The following MIGA1 variants were observed in gnomAD, a reference collection of about 807,000 sequenced individuals.
MIGA1 encodes the protein family with sequence similarity 73, member A.
Under a neutral mutation model 82.0 loss-of-function variants are expected in MIGA1, and 58 were observed. That is an observed-to-expected ratio of 0.71 (90% confidence interval 0.57 to 0.88). The LOEUF is 0.88. MIGA1 is among the 40% of genes least tolerant of loss of function. The pLI is 0.00. For missense variants in MIGA1, 751 were observed against 749.1 expected, an observed-to-expected ratio of 1.00 and a Z score of -0.03; for synonymous variants, 249 against 253.6, an observed-to-expected ratio of 0.98 and a Z score of 0.17.
chr1:77,824,267 T>C (rs553908207), intron 7 of MIGA1, among the ~76,000 whole-genome samples: 43 of 152,280 alleles, frequency 2.8e-4, no homozygotes, highest in African/African-American at 9.6e-4. Context: ...TGTGTTAAAA[T>C]AGAAAACAGG....
chr1:77,785,328 C>T (rs961790238), intron 2 of MIGA1, among the ~76,000 whole-genome samples: 2 of 152,014 alleles, frequency 1.3e-5, no homozygotes, highest in African/African-American at 4.8e-5. Context: ...GTTTGAAATC[C>T]AGCAGGGCAG....
chr1:77,860,099 A>G lies in MIGA1; in HGVS notation c.1248A>G (p.Leu416=). ...TCGCTGAGAGCGGAAGGAAAATTTT[A>G]TCAGCTTTAATTGTGAAAGCACGAA... The change falls in exon 11 of 16, where the codon TTA becomes TTG. Residue 416 remains leucine, a synonymous_variant. Coordinates refer to ENST00000370791, the MANE Select transcript of MIGA1 (RefSeq NM_198549.4). The G allele has an allele frequency of 1.2e-6, 2 of 1,611,492 alleles. No homozygotes were observed. The highest frequency in any genetic ancestry group is 1.1e-5 in the South Asian group (1 of 90,416).
At chr1:77,844,031 G>T (rs1052483060) in intron 8 of MIGA1, among the ~76,000 whole-genome samples, 1 of 148,876 alleles carries the variant, frequency 6.7e-6, no homozygotes, top group African/African-American at 2.5e-5. Context: ...AGCCCAAGAG[G>T]TCAAGACTGC....
At position 77,807,094 on chromosome 1, in the gene MIGA1, C is replaced by G; in HGVS notation, c.630C>G (p.Tyr210Ter). The change falls in exon 5 of 16, where the codon TAC becomes TAG. Residue 210 changes from tyrosine to a stop codon, truncating the protein, a stop_gained. Coordinates refer to ENST00000370791, the MANE Select transcript of MIGA1 (RefSeq NM_198549.4). LOFTEE classifies it high-confidence loss of function. ...CTGTGACTACTCCAGAGAACTTATA[C>G]TTAATGGGTAGGAATGAGATGATAA... 6.3e-7 allele frequency: 1 copy of G among 1,581,088 alleles called. No individual in the cohort carries two copies.
At chr1:77,844,113 A>AATATATATAT (rs869208869) in intron 8 of MIGA1, among the ~76,000 whole-genome samples, 18 of 90,112 alleles carry the variant, frequency 2.0e-4, no homozygotes, top group African/African-American at 6.8e-4. Context: ...AAAAAAAAAA[A>AATATATATAT]ATATATATAT....
chr1:77,823,077 G>A (rs1160469566), intron 7 of MIGA1, among the ~76,000 whole-genome samples: 2 of 151,882 alleles, frequency 1.3e-5, no homozygotes, highest in Non-Finnish European at 2.9e-5. Context: ...TCCTGACCTC[G>A]TGATCCTCCC....
At chr1:77,799,855 CA>C (rs200085217) in intron 2 of MIGA1, among the ~76,000 whole-genome samples, 53 of 139,290 alleles carry the variant, frequency 3.8e-4, no homozygotes, top group Admixed American at 1.7e-3. Context: ...GTTTTCCTTC[CA>C]AAAAAAAAAA....
chr1:77,835,705 T>C (rs1346084137), intron 7 of MIGA1, among the ~76,000 whole-genome samples: 1 of 152,094 alleles, frequency 6.6e-6, no homozygotes, highest in Non-Finnish European at 1.5e-5. Context: ...CCCAGCACTT[T>C]GGGAGGTCAA....
chr1:77,812,496 A>G (rs1030716430), intron 5 of MIGA1, among the ~76,000 whole-genome samples: 1 of 152,222 alleles, frequency 6.6e-6, no homozygotes, highest in African/African-American at 2.4e-5. Context: ...AATTGTATTC[A>G]TTTAGGATTG....
At chr1:77,798,396 C>T (rs1557898788) in intron 2 of MIGA1, among the ~76,000 whole-genome samples, 1 of 152,194 alleles carries the variant, frequency 6.6e-6, no homozygotes, top group African/African-American at 2.4e-5. Context: ...CTCACAGTTC[C>T]ACATGGCTGG....
At chr1:77,815,300 C>A in intron 7 of MIGA1, 69 bp downstream of exon 7, 2 of 1,271,184 alleles carry the variant, frequency 1.6e-6, no homozygotes, top group Admixed American at 2.6e-5. Flanking sequence ...GAATCATCTG[C>A]ATAAGTGTCT....
chr1:77,844,113 A>ATATATATATAT (rs1553223128), intron 8 of MIGA1, among the ~76,000 whole-genome samples: 4 of 90,134 alleles, frequency 4.4e-5, no homozygotes, highest in African/African-American at 1.4e-4. Context: ...AAAAAAAAAA[A>ATATATATATAT]ATATATATAT....
At chr1:77,828,602 T>A (rs1421037831) in intron 7 of MIGA1, among the ~76,000 whole-genome samples, 1 of 152,222 alleles carries the variant, frequency 6.6e-6, no homozygotes, top group Non-Finnish European at 1.5e-5. Flanking sequence ...AATGTATGGT[T>A]CATGTGTATT....
At chr1:77,807,322 C>T (rs1466442351) in intron 5 of MIGA1, among the ~76,000 whole-genome samples, 1 of 152,018 alleles carries the variant, frequency 6.6e-6, no homozygotes, top group Non-Finnish European at 1.5e-5. Flanking sequence ...CCACCATGCC[C>T]AGCTAATTTT....
chr1:77,781,891 G>C (rs74090699), intron 1 of MIGA1, among the ~76,000 whole-genome samples: 1,940 of 152,196 alleles, frequency 0.013, 32 homozygotes, highest in African/African-American at 0.044. Context: ...TCTGAAAACA[G>C]GTGGGTATTA....
At chr1:77,862,563 C>T (rs2101946054) in intron 12 of MIGA1, among the ~76,000 whole-genome samples, 1 of 152,186 alleles carries the variant, frequency 6.6e-6, no homozygotes, top group Admixed American at 6.5e-5. Flanking sequence ...CCAGCCTGAC[C>T]AACATGGTGA....
chr1:77,867,755 T>C (rs1023247563), intron 14 of MIGA1, among the ~76,000 whole-genome samples: 2 of 152,246 alleles, frequency 1.3e-5, no homozygotes, highest in Non-Finnish European at 2.9e-5. Flanking sequence ...ATCATATCCA[T>C]ATTTTTCAAT....
intron 7 of MIGA1, among the ~76,000 whole-genome samples, chr1:77,828,412 G>C (rs1397224354): frequency 6.6e-6 from 1 of 152,138 alleles, no homozygotes; most frequent in East Asian, 1.9e-4. Context: ...TTCTGCTTAC[G>C]AGGCCCTGCA....
At chr1:77,817,796 A>C (rs1159739257) in intron 7 of MIGA1, among the ~76,000 whole-genome samples, 1 of 152,202 alleles carries the variant, frequency 6.6e-6, no homozygotes, top group Non-Finnish European at 1.5e-5. Flanking sequence ...GTCATAAATT[A>C]AGATAGTGTA....
Sources: allele counts gnomAD v4.1 joint callset (sites outside exome capture counted in the v4.1 genomes callset), GRCh38; gene constraint gnomAD v4.1.1; transcripts MANE v1.5; gene names NCBI Gene and HGNC (gene_info 2026-07-23, HGNC 2026-07-21).